Variants in SDK1 observed in about 807,000 individuals in gnomAD.
SDK1 encodes the protein protein sidekick-1.
SDK1 carries 157 observed loss-of-function variants against 245.5 expected under a neutral mutation model. The ratio of observed to expected loss-of-function variants is 0.64; its 90% CI spans 0.56 to 0.73. The LOEUF is 0.73. SDK1 is among the 30% of genes least tolerant of loss of function. The probability of loss-of-function intolerance (pLI) is 0.00; values close to 1 mark genes in which losing one functional copy is unlikely to be tolerated. For missense variants in SDK1, 3,583 were observed against 3,002.3 expected (o/e 1.19, Z -4.52); for synonymous variants, 1,647 against 1,278.5 (o/e 1.29, Z -6.15).
intron 1 of SDK1, among the ~76,000 whole-genome samples, chr7:3,513,682 T>G (rs536556238): frequency 1.3e-5 from 2 of 152,314 alleles, no homozygotes; most frequent in African/African-American, 4.8e-5. Context: ...GCAAATTTGT[T>G]ATGTGGGTCT....
In SDK1 at chr7:3,610,854, C is replaced by G. The variant is rs181658587; in HGVS notation, c.299-8226C>G. On this transcript the variant is annotated intron_variant, in intron 1 of 44. Transcript: ENST00000404826. ...GAAATCTCAGGGACCCTCCTGCTTT[C>G]TCTGTTTTCACATGGACTGACTCAA... Among the ~76,000 whole-genome samples, 406 of 152,334 alleles carry G rather than the reference C, an allele frequency of 2.7e-3. 1 individual carries two copies. Among genetic ancestry groups the G allele is most frequent in the African/African-American group, 9.2e-3 (381 of 41,580 alleles).
At chr7:3,373,374 C>A (rs1165094360) in intron 1 of SDK1, among the ~76,000 whole-genome samples, 1 of 152,196 alleles carries the variant, frequency 6.6e-6, no homozygotes, top group African/African-American at 2.4e-5. Context: ...CAGGTTCTCT[C>A]TGTAATTCAA....
chr7:3,759,124 A>C (rs1481871067), intron 4 of SDK1, among the ~76,000 whole-genome samples: 1 of 152,196 alleles, frequency 6.6e-6, no homozygotes, highest in Non-Finnish European at 1.5e-5. Flanking sequence ...ACCAACCAAA[A>C]TACAGGCTTT....
At chr7:3,394,737 C>T (rs1781848892) in intron 1 of SDK1, among the ~76,000 whole-genome samples, 1 of 151,798 alleles carries the variant, frequency 6.6e-6, no homozygotes, top group African/African-American at 2.4e-5. Flanking sequence ...TCTTATGTTA[C>T]CTTTATTTGT....
At chr7:4,249,016 C>CATACACAT (rs1787118626) in intron 44 of SDK1, among the ~76,000 whole-genome samples, 1 of 152,100 alleles carries the variant, frequency 6.6e-6, no homozygotes, top group African/African-American at 2.4e-5. Context: ...TAAATACACA[C>CATACACAT]ATGCACACAT....
intron 4 of SDK1, among the ~76,000 whole-genome samples, chr7:3,644,991 TC>T (rs35056388): frequency 0.25 from 37,569 of 151,814 alleles, 5,074 homozygotes; most frequent in Non-Finnish European, 0.31. Context: ...TTAATTAACG[TC>T]AGTGGCAGCA....
chr7:3,472,611 G>C (rs1481698599), intron 1 of SDK1, among the ~76,000 whole-genome samples: 1 of 152,146 alleles, frequency 6.6e-6, no homozygotes, highest in East Asian at 1.9e-4. Context: ...CTATGTCAAG[G>C]CCTGAAATAC....
chr7:3,534,767 C>G (rs1019157706), intron 1 of SDK1, among the ~76,000 whole-genome samples: 2 of 152,112 alleles, frequency 1.3e-5, no homozygotes, highest in African/African-American at 4.8e-5. Flanking sequence ...AAAAGCAGCC[C>G]CAAATCATTT....
Position 3,941,124 on chromosome 7 carries a change from G to A in SDK1, c.848-9799G>A, listed in dbSNP as rs927078888. On this transcript the variant is annotated intron_variant, in intron 5 of 44. Coordinates refer to ENST00000404826, the MANE Select transcript of SDK1 (RefSeq NM_152744.4). ...CCCAGCCACCCACCAAGCAGCTCAA[G>A]CGAGAAACCTGGAGAGAAGCAAGGG... is the stretch of plus-strand genomic sequence containing the variant. 5.9e-5 allele frequency among the ~76,000 whole-genome samples: 9 copies of A among 152,036 alleles called. No homozygotes were observed. In the South Asian group the frequency reaches 6.2e-4, roughly 11 times the overall value.
At chr7:4,221,062 G>A (rs765620707) in intron 39 of SDK1, among the ~76,000 whole-genome samples, 177 bp from the exon 40 acceptor site, 94 of 152,172 alleles carry the variant, frequency 6.2e-4, no homozygotes, top group Non-Finnish European at 1.0e-3. Flanking sequence ...GAGCCACCAC[G>A]CCCGGCCTTG....
At chr7:3,563,946 C>A (rs1348195282) in intron 1 of SDK1, among the ~76,000 whole-genome samples, 1 of 151,894 alleles carries the variant, frequency 6.6e-6, no homozygotes, top group Non-Finnish European at 1.5e-5. Flanking sequence ...TAACATATTT[C>A]TAAATAGCTA....
intron 22 of SDK1, among the ~76,000 whole-genome samples, chr7:4,098,476 T>C (rs1372483886): frequency 1.3e-5 from 2 of 152,190 alleles, no homozygotes; most frequent in African/African-American, 4.8e-5. Flanking sequence ...GTTTTATATT[T>C]CTTTCCTTCA....
chr7:3,676,088 C>T (rs1195958991), intron 4 of SDK1, among the ~76,000 whole-genome samples: 1 of 152,160 alleles, frequency 6.6e-6, no homozygotes, highest in Non-Finnish European at 1.5e-5. Flanking sequence ...ACCTCAGCCT[C>T]CCAAGTAGCT....
At chr7:3,848,072 C>A (rs575261616) in intron 5 of SDK1, among the ~76,000 whole-genome samples, 4 of 152,370 alleles carry the variant, frequency 2.6e-5, no homozygotes, top group African/African-American at 9.6e-5. Context: ...TTGAAATGTG[C>A]TTATTTCCAG....
chr7:3,732,698 C>G (rs796549287), intron 4 of SDK1, among the ~76,000 whole-genome samples: 4 of 152,328 alleles, frequency 2.6e-5, no homozygotes, highest in Admixed American at 1.3e-4. Flanking sequence ...TGTCTAGCCA[C>G]ACATTTAATG....
chr7:3,634,062 G>C (rs958040982), intron 2 of SDK1, among the ~76,000 whole-genome samples: 2 of 152,158 alleles, frequency 1.3e-5, no homozygotes, highest in Non-Finnish European at 2.9e-5. Flanking sequence ...TAAAAATCCA[G>C]AGCAAATGTG....
chr7:3,386,732 C>G lies in SDK1; in HGVS notation c.298+84848C>G, dbSNP rs572490796. On this transcript the variant is annotated intron_variant, in intron 1 of 44. Transcript: ENST00000404826. ...GGAGTGCAGCTGTACTGGGCAGCCT[C>G]CAGTGAGTCCCGGGGACTTGACTTC... Among the ~76,000 whole-genome samples the G allele has an allele frequency of 1.1e-4, 17 of 152,268 alleles. No homozygotes were observed. The South Asian group carries it at 3.3e-3, about 30-fold the overall frequency.
At chr7:3,461,024 T>C (rs1042885426) in intron 1 of SDK1, among the ~76,000 whole-genome samples, 2 of 152,204 alleles carry the variant, frequency 1.3e-5, no homozygotes, top group Non-Finnish European at 2.9e-5. Flanking sequence ...TTTGCTAATA[T>C]ATACAGATTT....
intron 2 of SDK1, among the ~76,000 whole-genome samples, chr7:3,626,896 G>A (rs1782139820): frequency 1.3e-5 from 2 of 151,816 alleles, no homozygotes. Context: ...CCAGAATAGG[G>A]GCCAATCATA....
Sources: allele counts gnomAD v4.1 joint callset (sites outside exome capture counted in the v4.1 genomes callset), GRCh38; gene constraint gnomAD v4.1.1; transcripts MANE v1.5; gene names NCBI Gene and HGNC (gene_info 2026-07-23, HGNC 2026-07-21).